Variants in HPCAL1 observed in about 807,000 individuals in gnomAD.
HPCAL1 encodes hippocalcin-like protein 1.
Under a neutral mutation model 17.1 loss-of-function variants are expected in HPCAL1, and 8 were observed. The observed-to-expected ratio is 0.47, with a 90% CI of 0.27 to 0.84. The LOEUF (loss-of-function observed/expected upper bound fraction) is 0.84, where lower values mean the gene tolerates loss of function less well. HPCAL1 is among the 40% of genes least tolerant of loss of function. HPCAL1 has a pLI of 0.13. For synonymous variants in HPCAL1, 112 were observed against 111.4 expected (o/e 1.01, Z -0.03); for missense variants, 165 against 271.1 (o/e 0.61, Z 2.75).
chr2:10,377,597 G>A lies in HPCAL1; in HGVS notation c.-110-19238G>A, dbSNP rs13417997. ...CCTCTGAAGCCCCCTGCCAGCTCTC[G>A]GCAGCCCCCTCCTCCCCCTGGCTCC... On this transcript the variant is annotated intron_variant, in intron 1 of 4. Coordinates refer to ENST00000307845, the MANE Select transcript of HPCAL1 (RefSeq NM_002149.4). This position sits in a 1 kb window ranked among gnomAD's most constrained non-coding sequence, Gnocchi z 5.9. Among the ~76,000 whole-genome samples, 14,350 of 151,418 alleles carry A rather than the reference G, an allele frequency of 0.095. 1,553 individuals carry two copies. Among genetic ancestry groups the A allele is most frequent in the East Asian group, 0.47 (2,424 of 5,110 alleles).
At chr2:10,373,651 G>C (rs1667367726) in intron 1 of HPCAL1, among the ~76,000 whole-genome samples, 2 of 151,870 alleles carry the variant, frequency 1.3e-5, no homozygotes, top group African/African-American at 4.8e-5. Context: ...TGAGGTGCTG[G>C]GGTTCCTCAG....
Position 10,422,979 on chromosome 2 carries a change from G to A in HPCAL1, c.379-4G>A, listed in dbSNP as rs146578473. 1.7e-3 allele frequency: 2,737 copies of A among 1,606,712 alleles called. 4 individuals carry two copies. Among genetic ancestry groups the A allele is most frequent in the Non-Finnish European group, 2.0e-3 (2,363 of 1,173,926 alleles). On this transcript the variant is annotated splice_polypyrimidine_tract_variant and splice_region_variant and intron_variant, in intron 3 of 4. Coordinates refer to ENST00000307845, the MANE Select transcript of HPCAL1 (RefSeq NM_002149.4). The stretch of plus-strand genomic sequence containing the variant: ...GAGCACAGTGTCATTGCCCCCATCC[G>A]CAGGCCATCTACAAGATGGTGTCGT...
chr2:10,368,992 A>G (rs1319697047), intron 1 of HPCAL1: 2 of 152,174 alleles, frequency 1.3e-5, no homozygotes, highest in African/African-American at 4.8e-5. Flanking sequence ...GATTTTCCCA[A>G]AAGCACATCT....
rs111281723 is a variant in HPCAL1 at position 10,427,125 on chromosome 2, G to A, written c.*304G>A. ...CACGGGGAGCTCAGAGGTCCATGCC[G>A]AGGAGACCAGGCAGGACCTCCCGAG... On this transcript the variant is annotated 3_prime_UTR_variant, in exon 5 of 5. Coordinates refer to ENST00000307845, the MANE Select transcript of HPCAL1 (RefSeq NM_002149.4). 2.2e-4 allele frequency: 82 copies of A among 370,354 alleles called. No individual in the cohort carries two copies. Among genetic ancestry groups the A allele is most frequent in the African/African-American group, 1.4e-3 (67 of 48,126 alleles). The allele number at this position is 370,354 out of a possible 1,614,324, so 22.9% of individuals were successfully genotyped here.
rs1403571567 is a variant in HPCAL1 at position 10,399,524 on chromosome 2, CGCCACT to C, written c.-25+2610_-25+2615del. Among the ~76,000 whole-genome samples the C allele has an allele frequency of 2.7e-4, 33 of 123,678 alleles. 1 individual carries two copies. The highest frequency in any genetic ancestry group is 8.0e-4 in the African/African-American group (21 of 26,236). The allele number at this position is 123,678 out of a possible 152,430, so 81.1% of individuals were successfully genotyped here. A position where few individuals can be genotyped will look rare whatever the true frequency, so the allele number is the denominator to read the frequency against. On this transcript the variant is annotated intron_variant, in intron 2 of 4. Transcript: ENST00000307845. ...CCATCACCACCACCGCCGCCACCAC[CGCCACT>C]GCCACCGCCACCATCACCGCCACCA...
chr2:10,383,887 C>T (rs116220462), intron 1 of HPCAL1, among the ~76,000 whole-genome samples: 68 of 152,130 alleles, frequency 4.5e-4, no homozygotes, highest in African/African-American at 1.4e-3. Flanking sequence ...AGGCATGTCC[C>T]CTCAACTCCC....
In HPCAL1 at chr2:10,331,899, AG is replaced by A. The variant is rs1021875675; in HGVS notation, c.-111+28725del. 7.9e-5 allele frequency among the ~76,000 whole-genome samples: 12 copies of A among 151,656 alleles called. No homozygotes were observed. The highest frequency in any genetic ancestry group is 2.7e-4 in the African/African-American group (11 of 41,180). ...AGCCCTGTGTCACCTGTTGATTCAG[AG>A]GGAGCTCTCCTCATCACCTGTTGTC... On this transcript the variant is annotated intron_variant, in intron 1 of 4. Transcript: ENST00000307845. This position sits in a 1 kb window ranked among gnomAD's most constrained non-coding sequence, Gnocchi z 5.0.
At chr2:10,347,199 C>T (rs915156883) in intron 1 of HPCAL1, among the ~76,000 whole-genome samples, 3 of 152,076 alleles carry the variant, frequency 2.0e-5, no homozygotes, top group East Asian at 1.9e-4. Context: ...GTGACCCATA[C>T]GGTGGGCGCC....
chr2:10,403,210 C>T (rs1228658184), intron 2 of HPCAL1, among the ~76,000 whole-genome samples: 1 of 152,098 alleles, frequency 6.6e-6, no homozygotes, highest in Admixed American at 6.5e-5. Flanking sequence ...CTTTGGAAGC[C>T]TCCTCTGGGG....
intron 1 of HPCAL1, among the ~76,000 whole-genome samples, chr2:10,378,509 C>A (rs1667733635): frequency 6.6e-6 from 1 of 152,146 alleles, no homozygotes; most frequent in African/African-American, 2.4e-5. Flanking sequence ...AGGGCTCTTC[C>A]TGCTTTGCAG....
intron 4 of HPCAL1, chr2:10,423,369 G>A (rs1021593265): frequency 2.3e-5 from 9 of 397,954 alleles, no homozygotes; most frequent in African/African-American, 8.2e-5. Context: ...CCATATTCCC[G>A]TGGGTACAAT....
intron 4 of HPCAL1, chr2:10,425,431 G>A (rs540322541): frequency 6.6e-6 from 1 of 152,440 alleles, no homozygotes; most frequent in Non-Finnish European, 1.5e-5. Context: ...TGCCCTGGAA[G>A]AAGCCAGCCT....
In HPCAL1 at chr2:10,365,384, C is replaced by T. The variant is rs1666785442; in HGVS notation, c.-110-31451C>T. Among the ~76,000 whole-genome samples the T allele has an allele frequency of 6.6e-6, 1 of 152,182 alleles. No individual in the cohort carries two copies. Among genetic ancestry groups the T allele is most frequent in the Non-Finnish European group, 1.5e-5 (1 of 68,032 alleles). ...CATGTTCTTGGAAATAAATACACCT[C>T]GTGTCATGGAGATGGGCAGACGAGG... is the stretch of plus-strand genomic sequence containing the variant. On this transcript the variant is annotated intron_variant, in intron 1 of 4. Transcript: ENST00000307845. The surrounding 1 kb of genome is among the most constrained non-coding windows in gnomAD (Gnocchi z 4.8).
At chr2:10,319,713 G>T (rs894386749) in intron 1 of HPCAL1, among the ~76,000 whole-genome samples, 10 of 151,976 alleles carry the variant, frequency 6.6e-5, no homozygotes, top group African/African-American at 2.4e-4. Context: ...GGTTCCACCT[G>T]GCCCCTTGGT....
chr2:10,403,502 GT>G (rs1669772129), intron 2 of HPCAL1, among the ~76,000 whole-genome samples: 1 of 144,280 alleles, frequency 6.9e-6, no homozygotes, highest in Non-Finnish European at 1.5e-5. Context: ...GTGTGTGTGT[GT>G]GACGGAGTCT....
At chr2:10,350,751 C>T (rs1234069173) in intron 1 of HPCAL1, among the ~76,000 whole-genome samples, 1 of 152,092 alleles carries the variant, frequency 6.6e-6, no homozygotes, top group Admixed American at 6.5e-5. Context: ...ACAAGACAAC[C>T]CAGTTAAAAA....
At chr2:10,361,230 G>A (rs1666505801) in intron 1 of HPCAL1, among the ~76,000 whole-genome samples, 2 of 145,652 alleles carry the variant, frequency 1.4e-5, no homozygotes, top group African/African-American at 5.2e-5. Context: ...AGCAATGGTT[G>A]TAGAGGGATG....
chr2:10,355,307 C>T (rs945229643), intron 1 of HPCAL1, among the ~76,000 whole-genome samples: 5 of 150,826 alleles, frequency 3.3e-5, no homozygotes. Flanking sequence ...AAAAATTAGC[C>T]GGGCGTAGTG....
chr2:10,412,013 G>A (rs1228245887), intron 2 of HPCAL1, among the ~76,000 whole-genome samples: 1 of 152,210 alleles, frequency 6.6e-6, no homozygotes, highest in African/African-American at 2.4e-5. Context: ...CTGAGTCGCA[G>A]TACAGGGTTC....
Sources: allele counts gnomAD v4.1 joint callset (sites outside exome capture counted in the v4.1 genomes callset), GRCh38; gene constraint gnomAD v4.1.1; non-coding constraint Gnocchi (gnomAD v3.1); transcripts MANE v1.5; gene names NCBI Gene and HGNC (gene_info 2026-07-23, HGNC 2026-07-21).